The following POU6F2 variants were observed in gnomAD, a reference collection of about 807,000 sequenced individuals.
POU6F2 encodes the protein POU domain, class 6, transcription factor 2.
In POU6F2, 31 loss-of-function variants were observed where a neutral mutation model predicts 71.3. That is an observed-to-expected ratio of 0.43 (90% CI 0.33 to 0.59). POU6F2 has a LOEUF of 0.59. Ranked by LOEUF, POU6F2 falls within the 20% of genes least tolerant of loss-of-function variation. POU6F2 has a pLI of 0.04. For synonymous variants in POU6F2, 347 were observed against 355.7 expected (o/e 0.98, Z 0.27); for missense variants, 783 against 856.8 (o/e 0.91, Z 1.07).
chr7:39,088,786 G>T (rs532208538), intron 2 of POU6F2, among the ~76,000 whole-genome samples: 1 of 152,244 alleles, frequency 6.6e-6, no homozygotes, highest in African/African-American at 2.4e-5. Flanking sequence ...CAGTATAAAT[G>T]GATTTCTTTG....
intron 2 of POU6F2, among the ~76,000 whole-genome samples, chr7:39,131,935 CAA>C (rs1238385964): frequency 6.6e-6 from 1 of 152,034 alleles, no homozygotes; most frequent in Admixed American, 6.6e-5. Context: ...TGCAGGCACA[CAA>C]TGCGTAATAA....
intron 2 of POU6F2, among the ~76,000 whole-genome samples, chr7:39,127,330 A>G (rs1472000391): frequency 6.6e-6 from 1 of 152,218 alleles, no homozygotes; most frequent in Non-Finnish European, 1.5e-5. Context: ...TCTATTTTAG[A>G]AATGATGAAG....
intron 1 of POU6F2, among the ~76,000 whole-genome samples, chr7:39,004,898 T>C (rs1223403064): frequency 6.6e-6 from 1 of 152,144 alleles, no homozygotes; most frequent in Non-Finnish European, 1.5e-5. Context: ...GATTCTAACA[T>C]GTGAAAAGAC....
Position 39,207,047 on chromosome 7 carries a change from T to C in POU6F2, c.370-345T>C, listed in dbSNP as rs186829958. On this transcript the variant is annotated intron_variant, in intron 3 of 9. Transcript: ENST00000518318. ...AAATCCCACTGATCCCAATGAGTTC[T>C]TTCTGGAACAACAGAGAATAAATTA... Among the ~76,000 whole-genome samples, 568 of 152,334 alleles carry C rather than the reference T, an allele frequency of 3.7e-3. 4 individuals are homozygous for C. The highest frequency in any genetic ancestry group is 5.1e-3 in the Non-Finnish European group (346 of 68,028).
chr7:39,400,318 A>G (rs1199796131), intron 5 of POU6F2, among the ~76,000 whole-genome samples: 1 of 152,150 alleles, frequency 6.6e-6, no homozygotes, highest in Non-Finnish European at 1.5e-5. Context: ...GACAAAATAT[A>G]TATTTCTTAT....
chr7:39,049,194 G>C (rs949459156), intron 1 of POU6F2, among the ~76,000 whole-genome samples: 16 of 151,548 alleles, frequency 1.1e-4, no homozygotes, highest in Non-Finnish European at 2.1e-4. Flanking sequence ...TTTCCTTGAT[G>C]TTCATGTAAA....
intron 2 of POU6F2, among the ~76,000 whole-genome samples, chr7:39,201,888 A>G (rs975122688): frequency 6.6e-6 from 1 of 152,114 alleles, no homozygotes; most frequent in Non-Finnish European, 1.5e-5. Flanking sequence ...AACCAGACGG[A>G]TTAGTTTATG....
intron 5 of POU6F2, among the ~76,000 whole-genome samples, chr7:39,382,176 C>A (rs572707621): frequency 6.6e-6 from 1 of 152,144 alleles, no homozygotes; most frequent in Non-Finnish European, 1.5e-5. Context: ...GCTGCAAAAG[C>A]ATGGAAGATT....
intron 4 of POU6F2, among the ~76,000 whole-genome samples, chr7:39,263,506 A>G (rs1260388962): frequency 1.3e-5 from 2 of 152,254 alleles, no homozygotes; most frequent in Non-Finnish European, 2.9e-5. Flanking sequence ...TAATTAAGAT[A>G]CACACGGTTG....
At chr7:39,102,013 C>G (rs4723822) in intron 2 of POU6F2, among the ~76,000 whole-genome samples, 1 of 151,914 alleles carries the variant, frequency 6.6e-6, no homozygotes, top group Non-Finnish European at 1.5e-5. Context: ...TTTTGGTCTT[C>G]TGATCCTCCA....
chr7:39,016,997 T>C (rs1249429154), intron 1 of POU6F2, among the ~76,000 whole-genome samples: 1 of 152,176 alleles, frequency 6.6e-6, no homozygotes, highest in Non-Finnish European at 1.5e-5. Context: ...CATAAATGCC[T>C]TTGGGAGGGG....
intron 4 of POU6F2, among the ~76,000 whole-genome samples, chr7:39,326,331 C>T (rs573458274): frequency 1.3e-5 from 2 of 152,304 alleles, no homozygotes; most frequent in East Asian, 3.9e-4. Flanking sequence ...AGGAGAGTCC[C>T]ATTGTTTCTG....
chr7:39,234,681 G>A (rs995768072), intron 4 of POU6F2, among the ~76,000 whole-genome samples: 1 of 152,122 alleles, frequency 6.6e-6, no homozygotes, highest in Non-Finnish European at 1.5e-5. Context: ...TTGTTCCAAT[G>A]ATTCCACTGA....
intron 3 of POU6F2, among the ~76,000 whole-genome samples, chr7:39,205,969 G>A (rs982248726): frequency 1.3e-5 from 2 of 152,202 alleles, no homozygotes; most frequent in African/African-American, 4.8e-5. Flanking sequence ...ATGGGCTGTG[G>A]AGCAGCCTTC....
chr7:39,458,626 A>T (rs1788863154), intron 8 of POU6F2, among the ~76,000 whole-genome samples: 1 of 152,154 alleles, frequency 6.6e-6, no homozygotes, highest in Non-Finnish European at 1.5e-5. Context: ...CTCATTAGCC[A>T]AGGGTTGCCT....
intron 1 of POU6F2, among the ~76,000 whole-genome samples, chr7:39,075,528 A>G (rs1451848369): frequency 6.6e-6 from 1 of 152,242 alleles, no homozygotes; most frequent in African/African-American, 2.4e-5. Flanking sequence ...ATGTATACAC[A>G]TATTTCATGT....
chr7:39,179,123 A>G (rs967999091), intron 2 of POU6F2, among the ~76,000 whole-genome samples: 1 of 152,188 alleles, frequency 6.6e-6, no homozygotes, highest in African/African-American at 2.4e-5. Flanking sequence ...TTATAGCATT[A>G]TCAGTCAGTG....
chr7:38,989,666 G>T (rs1452624583), intron 1 of POU6F2, among the ~76,000 whole-genome samples: 16 of 151,942 alleles, frequency 1.1e-4, no homozygotes, highest in Non-Finnish European at 2.9e-5. Context: ...TCTCATTTCT[G>T]CATATGAGAG....
chr7:39,009,572 G>A (rs1170533976), intron 1 of POU6F2, among the ~76,000 whole-genome samples: 3 of 152,198 alleles, frequency 2.0e-5, no homozygotes, highest in Non-Finnish European at 4.4e-5. Flanking sequence ...GAATAGGAGT[G>A]GTGAGAGAGG....
Sources: gnomAD v4.1 joint callset for allele counts (sites outside exome capture counted in the v4.1 genomes callset) on GRCh38, gnomAD v4.1.1 for gene constraint, MANE v1.5 for transcripts, NCBI Gene and HGNC (gene_info 2026-07-23, HGNC 2026-07-21) for gene names.